The following COL25A1 variants were observed in gnomAD, a reference collection of about 807,000 sequenced individuals.
The protein encoded by COL25A1 is collagen alpha-1(XXV) chain.
Under a neutral mutation model 128.4 loss-of-function variants are expected in COL25A1, and 103 were observed. The observed-to-expected ratio is 0.80, with a 90% CI of 0.68 to 0.94. The LOEUF is 0.94. COL25A1 is among the 40% of genes least tolerant of loss of function. COL25A1 has a pLI of 0.00. For synonymous variants in COL25A1, 279 were observed against 277.2 expected (o/e 1.01, Z -0.06); for missense variants, 745 against 840.0 (o/e 0.89, Z 1.40).
intron 3 of COL25A1, among the ~76,000 whole-genome samples, chr4:109,298,594 T>C (rs1725216935): frequency 6.6e-6 from 1 of 152,184 alleles, no homozygotes; most frequent in African/African-American, 2.4e-5. Flanking sequence ...GTCAGCCCAT[T>C]CATTCCCTAA....
At chr4:109,096,999 G>A (rs1435444797) in intron 3 of COL25A1, among the ~76,000 whole-genome samples, 1 of 152,168 alleles carries the variant, frequency 6.6e-6, no homozygotes, top group South Asian at 2.1e-4. Flanking sequence ...CAAGGAAACA[G>A]AACAATAGGA....
intron 6 of COL25A1, among the ~76,000 whole-genome samples, chr4:108,997,052 T>C (rs949517143): frequency 1.3e-5 from 2 of 151,864 alleles, no homozygotes; most frequent in Non-Finnish European, 2.9e-5. Context: ...CACCCTAACA[T>C]CACAATTAAA....
chr4:109,229,676 G>T (rs1169938143), intron 3 of COL25A1, among the ~76,000 whole-genome samples: 1 of 152,060 alleles, frequency 6.6e-6, no homozygotes, highest in African/African-American at 2.4e-5. Context: ...ATGACACTTG[G>T]TTACACTATA....
chr4:109,198,881 C>T (rs1776330399), intron 3 of COL25A1, among the ~76,000 whole-genome samples: 1 of 152,170 alleles, frequency 6.6e-6, no homozygotes, highest in Admixed American at 6.6e-5. Context: ...CAGGATAATA[C>T]AGTACAGCTC....
rs375799435 is a variant in COL25A1 at position 108,848,709 on chromosome 4, A to G, written c.1434+50T>C. 16 of 1,272,666 alleles carry G rather than the reference A, an allele frequency of 1.3e-5. No homozygotes were observed. In the African/African-American group the frequency reaches 1.9e-4, roughly 15 times the overall value. 78.8% of individuals were successfully genotyped at this position (1,272,666 alleles called of 1,614,324 possible). ...TTGGCTTCAAACCTACAATAAAAGT[A>G]GTAATCAAGAATGATGCTTTAAATA... On this transcript the variant is annotated intron_variant, in intron 27 of 37. Transcript: ENST00000399132.
At chr4:109,074,145 A>G (rs7675200) in intron 3 of COL25A1, among the ~76,000 whole-genome samples, 17,607 of 152,166 alleles carry the variant, frequency 0.12, 1,313 homozygotes, top group African/African-American at 0.21. Context: ...CCACAGTAGG[A>G]TTCCCGCTCC....
intron 3 of COL25A1, among the ~76,000 whole-genome samples, chr4:109,271,325 T>A (rs1782184616): frequency 6.6e-6 from 1 of 152,248 alleles, no homozygotes; most frequent in Non-Finnish European, 1.5e-5. Context: ...TTTTATAGTG[T>A]ACTAAATTCT....
intron 6 of COL25A1, among the ~76,000 whole-genome samples, chr4:108,984,795 C>A (rs977819969): frequency 6.6e-6 from 1 of 152,236 alleles, no homozygotes; most frequent in Admixed American, 6.5e-5. Flanking sequence ...CAGAAAGGGG[C>A]TCCCATAGTG....
chr4:108,899,950 C>G (rs1230408004), intron 14 of COL25A1, among the ~76,000 whole-genome samples: 2 of 152,080 alleles, frequency 1.3e-5, no homozygotes, highest in African/African-American at 4.8e-5. Context: ...TAAAGTAAAT[C>G]ATATACATTA....
intron 11 of COL25A1, among the ~76,000 whole-genome samples, chr4:108,927,376 T>TG (rs1242698089): frequency 1.3e-5 from 2 of 152,306 alleles, no homozygotes; most frequent in Admixed American, 1.3e-4. Context: ...TAAATAATTA[T>TG]TGACTAAATG....
chr4:109,237,010 T>G (rs1578513690), intron 3 of COL25A1, among the ~76,000 whole-genome samples: 2 of 152,234 alleles, frequency 1.3e-5, no homozygotes, highest in East Asian at 3.9e-4. Context: ...AAATATCTCA[T>G]AAGCATGTAA....
intron 36 of COL25A1, among the ~76,000 whole-genome samples, chr4:108,818,231 C>T (rs1465265069): frequency 2.6e-5 from 4 of 152,164 alleles, no homozygotes; most frequent in African/African-American, 9.6e-5. Context: ...CAATACCAAG[C>T]AAACAAAGAA....
chr4:109,022,883 G>A (rs1232921043), intron 5 of COL25A1, among the ~76,000 whole-genome samples: 2 of 152,068 alleles, frequency 1.3e-5, no homozygotes, highest in East Asian at 3.9e-4. Context: ...AATTTAGGGT[G>A]GAAATGTTGC....
intron 8 of COL25A1, among the ~76,000 whole-genome samples, chr4:108,947,640 TA>T (rs1187524793): frequency 6.6e-6 from 1 of 152,072 alleles, no homozygotes; most frequent in Admixed American, 6.5e-5. Flanking sequence ...GGAGGAATGG[TA>T]ATTCTCCTCA....
chr4:108,909,252 G>A (rs1261170638), intron 13 of COL25A1, among the ~76,000 whole-genome samples: 1 of 152,190 alleles, frequency 6.6e-6, no homozygotes, highest in Non-Finnish European at 1.5e-5. Context: ...ATCTTTCACT[G>A]TCATAATTTC....
chr4:108,996,379 C>A (rs12512254), intron 6 of COL25A1, among the ~76,000 whole-genome samples: 31,403 of 151,236 alleles, frequency 0.21, 3,335 homozygotes, highest in Non-Finnish European at 0.22. Context: ...GAGACAAGGC[C>A]ATTACATAAT....
intron 8 of COL25A1, among the ~76,000 whole-genome samples, chr4:108,949,441 T>C (rs1749138422): frequency 6.6e-6 from 1 of 152,150 alleles, no homozygotes; most frequent in Non-Finnish European, 1.5e-5. Flanking sequence ...TGAGGGGTCT[T>C]GCCCACCCAA....
At chr4:108,859,550 G>A in intron 24 of COL25A1, 106 bp downstream of exon 24, 1 of 788,916 alleles carries the variant, frequency 1.3e-6, no homozygotes, top group Non-Finnish European at 2.0e-6. Flanking sequence ...TTGAGCAGTG[G>A]AGTCCTCTGA....
chr4:109,266,736 A>C (rs1781827915), intron 3 of COL25A1, among the ~76,000 whole-genome samples: 1 of 152,200 alleles, frequency 6.6e-6, no homozygotes, highest in Non-Finnish European at 1.5e-5. Flanking sequence ...ACGTGGATAC[A>C]AATCTTTTTT....
Sources: gnomAD v4.1 joint callset for allele counts (sites outside exome capture counted in the v4.1 genomes callset) on GRCh38, gnomAD v4.1.1 for gene constraint, MANE v1.5 for transcripts, NCBI Gene and HGNC (gene_info 2026-07-23, HGNC 2026-07-21) for gene names.